KATNA1: variants seen among roughly 807,000 people sequenced by gnomAD.
KATNA1 encodes katanin catalytic subunit A1.
KATNA1 carries 42 observed loss-of-function variants against 62.6 expected under a neutral mutation model. The observed-to-expected ratio is 0.67, with a 90% CI of 0.52 to 0.87. The LOEUF (loss-of-function observed/expected upper bound fraction) is 0.87. Among genes scored for constraint, KATNA1 ranks in the 40% least tolerant of loss-of-function variants. The pLI is 0.00. For synonymous variants in KATNA1, 186 were observed against 201.9 expected, an observed-to-expected ratio of 0.92 and a Z score of 0.67; for missense variants, 498 against 612.5, an observed-to-expected ratio of 0.81 and a Z score of 1.97.
chr6:149,628,682 T>C (rs1779715355), intron 3 of KATNA1, among the ~76,000 whole-genome samples: 3 of 151,848 alleles, frequency 2.0e-5, no homozygotes, highest in South Asian at 2.1e-4. Flanking sequence ...TAGCCGGGCA[T>C]GGTGGCACAC....
chr6:149,641,008 T>C lies in KATNA1; in HGVS notation c.-13-2448A>G, dbSNP rs550761646. ...GACTCAGGCTCCTGAGTAGCTGGGA[T>C]TACAGGCATGTGCCAACACGCCTGG... On this transcript the variant is annotated intron_variant, in intron 1 of 10. Coordinates refer to ENST00000367411, the MANE Select transcript of KATNA1 (RefSeq NM_007044.4). Among the ~76,000 whole-genome samples the C allele has an allele frequency of 2.6e-4, 40 of 151,288 alleles. No homozygotes were observed. The South Asian group carries it at 7.8e-3, about 29-fold the overall frequency.
intron 3 of KATNA1, among the ~76,000 whole-genome samples, chr6:149,624,471 T>C (rs1779527582): frequency 6.6e-6 from 1 of 152,092 alleles, no homozygotes; most frequent in African/African-American, 2.4e-5. Context: ...AGCCTTGACC[T>C]CCCAAGCTCA....
chr6:149,617,759 A>T (rs1582777344), intron 4 of KATNA1, among the ~76,000 whole-genome samples: 1 of 151,938 alleles, frequency 6.6e-6, no homozygotes, highest in Admixed American at 6.6e-5. Flanking sequence ...ATATGGTGAA[A>T]CCCCGTCTCT....
intron 3 of KATNA1, among the ~76,000 whole-genome samples, chr6:149,625,195 T>G (rs756956010): frequency 1.3e-5 from 2 of 152,132 alleles, no homozygotes; most frequent in Non-Finnish European, 2.9e-5. Context: ...TTTAGAAAGA[T>G]TAGTCTAATA....
At chr6:149,646,736 TAAAC>T (rs1038091452) in intron 1 of KATNA1, among the ~76,000 whole-genome samples, 18 of 152,216 alleles carry the variant, frequency 1.2e-4, no homozygotes, top group African/African-American at 4.1e-4. Context: ...CAGTTTACCC[TAAAC>T]AAACAAATCA....
intron 4 of KATNA1, among the ~76,000 whole-genome samples, chr6:149,611,770 T>G (rs1053676697): frequency 2.0e-5 from 3 of 151,470 alleles, no homozygotes; most frequent in African/African-American, 7.3e-5. Context: ...GAGGTCAAGG[T>G]GGGTGGATCA....
In KATNA1 at chr6:149,615,149, A is replaced by C. The variant is rs571683941; in HGVS notation, c.501+7954T>G. On this transcript the variant is annotated intron_variant, in intron 4 of 10. Coordinates refer to ENST00000367411, the MANE Select transcript of KATNA1 (RefSeq NM_007044.4). ...CTCTGTCTCAAAAAAAAAAAAAAAA[A>C]AAAAAACAACTAAACACAAAAGAAG... Among the ~76,000 whole-genome samples, 220 of 150,884 alleles carry C rather than the reference A, an allele frequency of 1.5e-3. 1 individual carries two copies. The highest frequency in any genetic ancestry group is 2.7e-3 in the South Asian group (13 of 4,814).
chr6:149,609,802 C>CAAAAAAAAAAA (rs1169018343), intron 4 of KATNA1, among the ~76,000 whole-genome samples: 4 of 64,526 alleles, frequency 6.2e-5, no homozygotes, highest in Admixed American at 4.5e-4. Flanking sequence ...GACTCCATCT[C>CAAAAAAAAAAA]AAAAAAAAAA....
chr6:149,615,672 CT>C (rs1017486048), intron 4 of KATNA1, among the ~76,000 whole-genome samples: 1 of 152,006 alleles, frequency 6.6e-6, no homozygotes, highest in Non-Finnish European at 1.5e-5. Context: ...TCTCAACTAC[CT>C]GGGAGGCTGG....
chr6:149,620,108 T>C (rs974192116), intron 4 of KATNA1, among the ~76,000 whole-genome samples: 3 of 152,138 alleles, frequency 2.0e-5, no homozygotes, highest in Admixed American at 6.6e-5. Context: ...AAATAACACA[T>C]GTTCTCACTC....
rs1205837271 is a variant in KATNA1, at chr6:149,597,521, A to G, written c.1136T>C (p.Ile379Thr). The change falls in exon 9 of 11, where the codon ATT (isoleucine) becomes ACT (threonine). Residue 379 changes from isoleucine (I) to threonine (T), a missense_variant. Ile to Thr is a moderately conservative substitution (Grantham distance 89). This residue lies in a region of KATNA1 where 267 missense variants were observed against 372.6 expected (regional missense o/e 0.72). Transcript: ENST00000367411. The stretch of plus-strand genomic sequence containing the variant: ...AAGGAAGATACCTGACGGCAAAGGA[A>G]TATAGATTCGTTTCTCAAGGCGTCG... ...LRRRLEKRIY[I>T]PLPSAKGREE... is the part of the protein sequence containing the mutation. 6.2e-7 allele frequency: 1 copy of G among 1,613,996 alleles called. No individual in the cohort carries two copies. Among genetic ancestry groups the G allele is most frequent in the Non-Finnish European group, 8.5e-7 (1 of 1,180,002 alleles).
chr6:149,627,424 G>A (rs1779656821), intron 3 of KATNA1, among the ~76,000 whole-genome samples: 1 of 151,276 alleles, frequency 6.6e-6, no homozygotes, highest in Non-Finnish European at 1.5e-5. Context: ...AAATTAGCTG[G>A]GCGTGGTGGT....
At chr6:149,615,393 C>T (rs777883525) in intron 4 of KATNA1, among the ~76,000 whole-genome samples, 6 of 151,712 alleles carry the variant, frequency 4.0e-5, no homozygotes, top group Admixed American at 6.6e-5. Context: ...TTAGTAGAAA[C>T]GGGCTTTCAC....
In KATNA1 at chr6:149,598,020, T is replaced by G. The variant is rs77261077; in HGVS notation, c.1015+204A>C. ...GGGTGCCCTGTGTGTGGCCATTAAT[T>G]CTGACTTGTCACCACTGTCAGTGTA... is the stretch of plus-strand genomic sequence containing the variant. On this transcript the variant is annotated intron_variant, in intron 8 of 10. Coordinates refer to ENST00000367411, the MANE Select transcript of KATNA1 (RefSeq NM_007044.4). 9.5e-3 allele frequency: 5,241 copies of G among 551,220 alleles called. 47 individuals carry two copies. Among genetic ancestry groups the G allele is most frequent in the Non-Finnish European group, 0.014 (4,403 of 318,314 alleles). 34.1% of individuals were successfully genotyped at this position (551,220 alleles called of 1,614,324 possible). A position where few individuals can be genotyped will look rare whatever the true frequency, so the allele number is the denominator to read the frequency against.
At chr6:149,595,547 A>G (rs1172952113) in intron 10 of KATNA1, among the ~76,000 whole-genome samples, 2 of 152,220 alleles carry the variant, frequency 1.3e-5, no homozygotes, top group African/African-American at 4.8e-5. Context: ...AAAATGAAGA[A>G]TAAGCATCAC....
chr6:149,619,214 G>A (rs1394194691), intron 4 of KATNA1, among the ~76,000 whole-genome samples: 2 of 152,078 alleles, frequency 1.3e-5, no homozygotes, highest in Non-Finnish European at 2.9e-5. Context: ...AAATGGTCAA[G>A]AGGCATATGA....
At chr6:149,603,424 GCAGT>G (rs977577405) in intron 5 of KATNA1, 51 bp from the exon 6 acceptor site, 3 of 853,362 alleles carry the variant, frequency 3.5e-6, no homozygotes, top group Non-Finnish European at 5.8e-6. Flanking sequence ...ACATGTCTAT[GCAGT>G]CACTCTTGAG....
intron 6 of KATNA1, 80 bp from the exon 7 acceptor site, chr6:149,601,832 A>C (rs1356755889): frequency 5.5e-6 from 6 of 1,085,034 alleles, no homozygotes; most frequent in Non-Finnish European, 7.5e-6. Flanking sequence ...CTAAGTAGCA[A>C]ATTTCGACCA....
At chr6:149,605,623 A>G (rs754155020) in intron 4 of KATNA1, among the ~76,000 whole-genome samples, 4 of 152,192 alleles carry the variant, frequency 2.6e-5, no homozygotes, top group Non-Finnish European at 4.4e-5. Context: ...CACAATGGCA[A>G]ACTCACGAGG....
Sources: allele counts gnomAD v4.1 joint callset (sites outside exome capture counted in the v4.1 genomes callset), GRCh38; gene constraint gnomAD v4.1.1; regional missense constraint gnomAD v4.1.1; transcripts MANE v1.5; gene names NCBI Gene and HGNC (gene_info 2026-07-23, HGNC 2026-07-21).